ANKRD13D: variants seen among roughly 807,000 people sequenced by gnomAD.
ANKRD13D encodes the protein ankyrin repeat domain 13D, also known as ankyrin repeat domain-containing protein 13D.
A neutral mutation model predicts 68.8 loss-of-function variants in ANKRD13D; 24 were observed. The observed-to-expected ratio is 0.35, with a 90% confidence interval of 0.25 to 0.49. The LOEUF (loss-of-function observed/expected upper bound fraction) is 0.49. Among genes scored for constraint, ANKRD13D ranks in the 20% least tolerant of loss-of-function variants. The pLI, the probability that ANKRD13D is intolerant of heterozygous loss-of-function variation, is 0.99. For missense variants in ANKRD13D, 735 were observed against 832.1 expected, an observed-to-expected ratio of 0.88 and a Z score of 1.44; for synonymous variants, 331 against 336.1, an observed-to-expected ratio of 0.98 and a Z score of 0.16.
Position 67,299,548 on chromosome 11 carries a change from G to T in ANKRD13D, c.817G>T (p.Val273Leu). Residue 273 changes from valine to leucine, a missense_variant, in exon 8 of 15, where the codon GTG becomes TTG. Val to Leu is a conservative substitution (Grantham distance 32, BLOSUM62 1). Coordinates refer to ENST00000511455, the MANE Select transcript of ANKRD13D (RefSeq NM_207354.3). The surrounding 1 kb of genome is among the most constrained non-coding windows in gnomAD (Gnocchi z 6.2). ...TCCCCAGGTGTACAGTGCCACCAACGTGGAGCTGGTGACACGCACACGCAC... is the reference window on the plus strand; with the variant it reads ...TCCCCAGGTGTACAGTGCCACCAACTTGGAGCTGGTGACACGCACACGCAC... ...YEAKVYSATNVELVTRTRTEH... is the reference protein window; with the variant it reads ...YEAKVYSATNLELVTRTRTEH... The T allele has an allele frequency of 6.4e-7, 1 of 1,550,950 alleles. No homozygotes were observed.
chr11:67,291,613 G>C lies in ANKRD13D; in HGVS notation c.408G>C (p.Val136=). The change falls in exon 5 of 15, where the codon GTG becomes GTC. Residue 136 remains valine (V), a synonymous_variant. Transcript: ENST00000511455. ...KWEFTSWVPL[V]SKMCPSDVYR... ...CTGTGCACCCTGCAGTGCCCCTTGT[G>C]TCTAAGATGTGCCCAAGCGATGTGT... 1 of 1,614,036 alleles carries C rather than the reference G, an allele frequency of 6.2e-7. No homozygotes were observed. Among genetic ancestry groups the C allele is most frequent in the Non-Finnish European group, 8.5e-7 (1 of 1,180,042 alleles).
chr11:67,290,495 C>T, intron 3 of ANKRD13D, 49 bp downstream of exon 3: 1 of 1,519,762 alleles, frequency 6.6e-7, no homozygotes, highest in Non-Finnish European at 8.9e-7. Flanking sequence ...CAGGGCACCA[C>T]CCTGGTTACT....
chr11:67,297,072 T>C (rs148311601), intron 6 of ANKRD13D, among the ~76,000 whole-genome samples: 1 of 152,326 alleles, frequency 6.6e-6, no homozygotes, highest in African/African-American at 2.4e-5. Context: ...CTGTAATATT[T>C]ATTATTTCTT....
At chr11:67,292,917 G>A (rs550099152) in intron 6 of ANKRD13D, among the ~76,000 whole-genome samples, 3 of 152,212 alleles carry the variant, frequency 2.0e-5, no homozygotes, top group African/African-American at 7.2e-5. Flanking sequence ...ATAATATGTT[G>A]CCTTTTGTGT....
chr11:67,294,684 G>T (rs1860697394), intron 6 of ANKRD13D, among the ~76,000 whole-genome samples: 2 of 151,900 alleles, frequency 1.3e-5, no homozygotes, highest in African/African-American at 4.8e-5. Flanking sequence ...GGGATTACAG[G>T]TGCCCACCAC....
Position 67,290,175 on chromosome 11 carries a change from A to G in ANKRD13D, c.188A>G (p.Asn63Ser). The change falls in exon 2 of 15, where the codon AAT (asparagine) becomes AGT (serine). Residue 63 changes from asparagine to serine, a missense_variant. By Grantham distance (46) the Asn-to-Ser change is conservative (BLOSUM62 1). Transcript: ENST00000511455. The part of the protein sequence containing the change: ...LESVRVLLRH[N>S]ANVGKENRQG... ...TCTGTGAGAGTGCTCCTTCGACACA[A>G]TGCCAACGTGGGCAAAGAGAACCGC... 2 of 1,537,440 alleles carry G rather than the reference A, an allele frequency of 1.3e-6. No homozygotes were observed. The highest frequency in any genetic ancestry group is 3.9e-5 in the Admixed American group (2 of 51,014).
Position 67,300,897 on chromosome 11 carries a change from T to G in ANKRD13D, c.1074-93T>G, listed in dbSNP as rs1860952558. 9 of 1,475,774 alleles carry G rather than the reference T, an allele frequency of 6.1e-6. No individual in the cohort carries two copies. The East Asian group carries it at 2.1e-4, about 35-fold the overall frequency. 91.4% of individuals were successfully genotyped at this position (1,475,774 alleles called of 1,614,324 possible). ...AGGGCACTCCAGGCCAGGCAGAAGGTGGGTAAAGGCAGCTGCCCACGAACC... is the reference window on the plus strand; with the variant it reads ...AGGGCACTCCAGGCCAGGCAGAAGGGGGGTAAAGGCAGCTGCCCACGAACC... On this transcript the variant is annotated intron_variant, in intron 10 of 14. Coordinates refer to ENST00000511455, the MANE Select transcript of ANKRD13D (RefSeq NM_207354.3). This position sits in a 1 kb window ranked among gnomAD's most constrained non-coding sequence, Gnocchi z 4.3.
At position 67,300,327 on chromosome 11, in the gene ANKRD13D, T is replaced by C; in HGVS notation, c.1073+204T>C. The C allele has an allele frequency of 1.5e-6, 1 of 652,022 alleles. No homozygotes were observed. Among genetic ancestry groups the C allele is most frequent in the Non-Finnish European group, 2.5e-6 (1 of 399,516 alleles). 40.4% of individuals were successfully genotyped at this position (652,022 alleles called of 1,614,324 possible). A position where few individuals can be genotyped will look rare whatever the true frequency, so the allele number is the denominator to read the frequency against. ...GGCACAGAAAACCGGTAGTTTGTCTTTGATGAATGGATGGTGCCACCCATG... is the reference window on the plus strand; with the variant it reads ...GGCACAGAAAACCGGTAGTTTGTCTCTGATGAATGGATGGTGCCACCCATG... On this transcript the variant is annotated intron_variant, in intron 10 of 14. Transcript: ENST00000511455. The surrounding 1 kb of genome is among the most constrained non-coding windows in gnomAD (Gnocchi z 4.3).
intron 1 of ANKRD13D, 98 bp downstream of exon 1, chr11:67,289,648 C>A: frequency 1.2e-6 from 1 of 867,934 alleles, no homozygotes; most frequent in Non-Finnish European, 1.6e-6. Flanking sequence ...GCCCGCTCAG[C>A]TCCGCAGCCA....
Position 67,290,075 on chromosome 11 carries a change from C to T in ANKRD13D, c.91-3C>T. The T allele has an allele frequency of 6.5e-7, 1 of 1,536,690 alleles. No homozygotes were observed. Among genetic ancestry groups the T allele is most frequent in the Non-Finnish European group, 8.7e-7 (1 of 1,146,596 alleles). On this transcript the variant is annotated splice_region_variant and splice_polypyrimidine_tract_variant and intron_variant, in intron 1 of 14. Transcript: ENST00000511455. ...CCCTTTGTGAGTGTCCCGTCTCCCC[C>T]AGCACGACATTGAACAGGAGGACCC...
Position 67,299,482 on chromosome 11 carries a change from G to A in ANKRD13D, c.799-48G>A. The stretch of plus-strand genomic sequence containing the variant: ...GTTCTGCACTGGTGAGGCTGAGTGT[G>A]GGGAGCAGGCTCTGAGCCCCCAGCT... On this transcript the variant is annotated intron_variant, in intron 7 of 14. Coordinates refer to ENST00000511455, the MANE Select transcript of ANKRD13D (RefSeq NM_207354.3). This position sits in a 1 kb window ranked among gnomAD's most constrained non-coding sequence, Gnocchi z 6.2. The A allele has an allele frequency of 1.4e-6, 2 of 1,474,252 alleles. No individual in the cohort carries two copies. Among genetic ancestry groups the A allele is most frequent in the Non-Finnish European group, 1.9e-6 (2 of 1,079,684 alleles). The allele number at this position is 1,474,252 out of a possible 1,614,324, so 91.3% of individuals were successfully genotyped here.
Position 67,299,942 on chromosome 11 carries a change from A to G in ANKRD13D, c.943-51A>G. ...TGGCGGGGGGCCGAGCCTGGGCGGG[A>G]GGGCACCCTCTGTCACCTTGATGGC... On this transcript the variant is annotated intron_variant, in intron 9 of 14. Transcript: ENST00000511455. This position sits in a 1 kb window ranked among gnomAD's most constrained non-coding sequence, Gnocchi z 6.2. The G allele has an allele frequency of 6.3e-7, 1 of 1,576,806 alleles. No homozygotes were observed.
rs542909677 is a variant in ANKRD13D, at chr11:67,290,218, T to C, written c.226+5T>C. 2 of 1,541,032 alleles carry C rather than the reference T, an allele frequency of 1.3e-6. No individual in the cohort carries two copies. The highest frequency in any genetic ancestry group is 2.7e-5 in the African/African-American group (2 of 73,178). On this transcript the variant is annotated splice_donor_5th_base_variant and intron_variant, in intron 2 of 14. Coordinates refer to ENST00000511455, the MANE Select transcript of ANKRD13D (RefSeq NM_207354.3). Reference sequence around the variant, plus strand: ...AGAACCGCCAGGGCTGGGCAGGTACTGCAGAGGACAAGGGGCTCCCCCTGA... The same window carrying C: ...AGAACCGCCAGGGCTGGGCAGGTACCGCAGAGGACAAGGGGCTCCCCCTGA...
chr11:67,299,970 A>G lies in ANKRD13D; in HGVS notation c.943-23A>G. 6.2e-7 allele frequency: 1 copy of G among 1,602,530 alleles called. No individual in the cohort carries two copies. On this transcript the variant is annotated intron_variant, in intron 9 of 14. Transcript: ENST00000511455. The surrounding 1 kb of genome is among the most constrained non-coding windows in gnomAD (Gnocchi z 6.2). Reference sequence around the variant, plus strand: ...GCACCCTCTGTCACCTTGATGGCTGAGTCCGCCCTGGGACCCACGCAGGCC... The same window carrying G: ...GCACCCTCTGTCACCTTGATGGCTGGGTCCGCCCTGGGACCCACGCAGGCC...
chr11:67,293,199 G>A (rs1479304760), intron 6 of ANKRD13D, among the ~76,000 whole-genome samples: 1 of 152,146 alleles, frequency 6.6e-6, no homozygotes, highest in Non-Finnish European at 1.5e-5. Context: ...GGAATTGCTA[G>A]GTTACTGATA....
intron 6 of ANKRD13D, among the ~76,000 whole-genome samples, chr11:67,295,286 G>A (rs567897978): frequency 2.1e-4 from 32 of 152,160 alleles, no homozygotes; most frequent in African/African-American, 6.7e-4. Context: ...GCTTGGTGGC[G>A]GGCGCCTGTA....
At chr11:67,292,472 G>A (rs1428596347) in intron 6 of ANKRD13D, among the ~76,000 whole-genome samples, 12 of 152,182 alleles carry the variant, frequency 7.9e-5, no homozygotes, top group Admixed American at 5.9e-4. Flanking sequence ...TGTGGTTCAC[G>A]GCAGCTCTTT....
intron 3 of ANKRD13D, 135 bp from the exon 4 acceptor site, chr11:67,291,341 G>C: frequency 1.0e-6 from 1 of 963,138 alleles, no homozygotes; most frequent in Non-Finnish European, 1.5e-6. Flanking sequence ...CTGGGTGACA[G>C]AGCAAGTCTC....
chr11:67,301,388 T>G lies in ANKRD13D; in HGVS notation c.1338T>G (p.Val446=). The part of the protein sequence containing the change: ...SVWVPAPSSA[V]AASGNPFPCE... ...GGGTGCCGGCCCCCAGCTCTGCTGT[T>G]GCCGCATCAGGTACCCCAACGGGAG... The change falls in exon 12 of 15, where the codon GTT becomes GTG. Residue 446 remains valine, a synonymous_variant. Coordinates refer to ENST00000511455, the MANE Select transcript of ANKRD13D (RefSeq NM_207354.3). This position sits in a 1 kb window ranked among gnomAD's most constrained non-coding sequence, Gnocchi z 4.5. The G allele has an allele frequency of 6.2e-7, 1 of 1,611,542 alleles. No homozygotes were observed. Among genetic ancestry groups the G allele is most frequent in the Non-Finnish European group, 8.5e-7 (1 of 1,178,828 alleles).
Sources: allele counts gnomAD v4.1 joint callset (sites outside exome capture counted in the v4.1 genomes callset), GRCh38; gene constraint gnomAD v4.1.1; non-coding constraint Gnocchi (gnomAD v3.1); transcripts MANE v1.5; gene names NCBI Gene and HGNC (gene_info 2026-07-23, HGNC 2026-07-21).